Variants in NEBL observed in about 807,000 individuals in gnomAD.
NEBL encodes the protein LIM and SH3 protein 2.
A neutral mutation model predicts 140.2 loss-of-function variants in NEBL; 122 were observed. The ratio of observed to expected loss-of-function variants is 0.87; its 90% CI spans 0.75 to 1.01. The LOEUF is 1.01. Ranked by LOEUF, NEBL falls within the 50% of genes least tolerant of loss-of-function variation. NEBL has a pLI of 0.00. For synonymous variants in NEBL, 436 were observed against 398.9 expected, an observed-to-expected ratio of 1.09 and a Z score of -1.11; for missense variants, 1,365 against 1,231.3, an observed-to-expected ratio of 1.11 and a Z score of -1.62.
At chr10:21,264,996 CGCT>C (rs1171689564) in intron 1 of NEBL, among the ~76,000 whole-genome samples, 4 of 151,722 alleles carry the variant, frequency 2.6e-5, no homozygotes, top group African/African-American at 9.7e-5. Context: ...AATCTTAGCC[CGCT>C]GCAACCTCTA....
chr10:20,829,905 T>C (rs1321885315), intron 16 of NEBL, among the ~76,000 whole-genome samples: 1 of 152,194 alleles, frequency 6.6e-6, no homozygotes, highest in African/African-American at 2.4e-5. Flanking sequence ...TGCAAATGGG[T>C]GCTCAGGAGG....
At chr10:21,252,384 G>GTTGA (rs897896508) in intron 1 of NEBL, among the ~76,000 whole-genome samples, 7 of 152,184 alleles carry the variant, frequency 4.6e-5, no homozygotes, top group East Asian at 3.8e-4. Flanking sequence ...GCAGAATTAT[G>GTTGA]TTGATTGATT....
intron 2 of NEBL, among the ~76,000 whole-genome samples, chr10:21,077,362 T>C (rs1836146754): frequency 6.6e-6 from 1 of 152,206 alleles, no homozygotes; most frequent in Admixed American, 6.5e-5. Context: ...CCCAGCACTT[T>C]GGAAGGCTGA....
chr10:20,928,060 T>C (rs1010854028), intron 4 of NEBL, among the ~76,000 whole-genome samples: 1 of 152,230 alleles, frequency 6.6e-6, no homozygotes, highest in African/African-American at 2.4e-5. Flanking sequence ...CAACACGTTA[T>C]TGATATAAAA....
At chr10:20,986,211 A>T (rs938489141) in intron 3 of NEBL, among the ~76,000 whole-genome samples, 27 of 152,200 alleles carry the variant, frequency 1.8e-4, no homozygotes, top group Non-Finnish European at 3.5e-4. Flanking sequence ...AGGAAATATC[A>T]TACCATATAT....
chr10:21,182,066 C>T (rs1001900929), intron 3 of NEBL, among the ~76,000 whole-genome samples: 1 of 151,840 alleles, frequency 6.6e-6, no homozygotes, highest in African/African-American at 2.4e-5. Flanking sequence ...AACTCAAGAA[C>T]AAAAATGGCG....
intron 2 of NEBL, among the ~76,000 whole-genome samples, chr10:21,113,671 T>C (rs550396915): frequency 2.2e-4 from 33 of 152,208 alleles, no homozygotes; most frequent in Admixed American, 1.8e-3. Context: ...TGTCATTTAG[T>C]TTGTAAAAAT....
intron 3 of NEBL, among the ~76,000 whole-genome samples, chr10:20,991,457 GAT>G (rs1358227748): frequency 6.6e-6 from 1 of 152,020 alleles, no homozygotes; most frequent in Admixed American, 6.6e-5. Context: ...TCATGGAAAA[GAT>G]AAAATTTTCC....
At chr10:21,057,463 G>C (rs7078477) in intron 2 of NEBL, among the ~76,000 whole-genome samples, 59,301 of 149,712 alleles carry the variant, frequency 0.4, 11,773 homozygotes, top group Middle Eastern at 0.48. Flanking sequence ...GTCACTAGAG[G>C]TAAAGGTTAC....
In NEBL at chr10:20,782,551, A is replaced by C. The variant is rs1215000714; in HGVS notation, c.*3196T>G. On this transcript the variant is annotated 3_prime_UTR_variant, in exon 28 of 28. Coordinates refer to ENST00000377122, the MANE Select transcript of NEBL (RefSeq NM_006393.3). ...GGAAAGACTGTGGCACATTGGAAAA[A>C]CCAGATCTGCATCTTCTTCAAGAAA... 6.6e-6 allele frequency: 1 copy of C among 152,162 alleles called. No homozygotes were observed. Among genetic ancestry groups the C allele is most frequent in the African/African-American group, 2.4e-5 (1 of 41,412 alleles). 9.4% of individuals were successfully genotyped at this position (152,162 alleles called of 1,614,324 possible).
At chr10:20,859,912 TA>T in intron 7 of NEBL, 86 bp from the exon 8 acceptor site, 1 of 686,322 alleles carries the variant, frequency 1.5e-6, no homozygotes, top group Admixed American at 2.8e-5. Flanking sequence ...AAAGCTACCT[TA>T]AAAATGAATG....
At chr10:21,050,867 C>A (rs1452708189) in intron 2 of NEBL, among the ~76,000 whole-genome samples, 2 of 152,190 alleles carry the variant, frequency 1.3e-5, no homozygotes, top group Admixed American at 1.3e-4. Flanking sequence ...GTCTCCAGTA[C>A]ACAGCACTGT....
At chr10:21,286,755 C>T (rs572257495) in intron 1 of NEBL, among the ~76,000 whole-genome samples, 4 of 151,766 alleles carry the variant, frequency 2.6e-5, no homozygotes, top group Non-Finnish European at 4.4e-5. Context: ...AATGGCGTGA[C>T]GTGAACTTGG....
Position 21,172,237 on chromosome 10 carries a change from G to T in NEBL, c.164+146C>A, listed in dbSNP as rs1484465628. The T allele has an allele frequency of 7.2e-6, 5 of 693,320 alleles. No homozygotes were observed. The East Asian group carries it at 1.4e-4, about 19-fold the overall frequency. 42.9% of individuals were successfully genotyped at this position (693,320 alleles called of 1,614,324 possible). On this transcript the variant is annotated intron_variant, in intron 2 of 6. Transcript: ENST00000417816. Reference sequence around the variant, plus strand: ...AGCAGTGATCGTCAACAAAGTACATGGCCCCAGAGTCTGTGATATAAACAG... The same window carrying T: ...AGCAGTGATCGTCAACAAAGTACATTGCCCCAGAGTCTGTGATATAAACAG...
intron 4 of NEBL, among the ~76,000 whole-genome samples, chr10:20,934,648 AGGGGCCT>A: frequency 1.3e-5 from 2 of 152,256 alleles, no homozygotes; most frequent in Admixed American, 1.3e-4. Context: ...GCTAGACAGA[AGGGGCCT>A]GGATCCCTGA....
At chr10:21,049,116 C>T (rs545963170) in intron 2 of NEBL, among the ~76,000 whole-genome samples, 2 of 152,188 alleles carry the variant, frequency 1.3e-5, no homozygotes, top group African/African-American at 4.8e-5. Flanking sequence ...ATGAGACTTA[C>T]CCACATTATG....
intron 20 of NEBL, chr10:20,818,670 T>C (rs1168451152): frequency 4.8e-6 from 2 of 418,776 alleles, no homozygotes; most frequent in African/African-American, 4.3e-5. Context: ...CCAACTGAAC[T>C]ATGAGGTCCT....
intron 22 of NEBL, 56 bp downstream of exon 22, chr10:20,815,569 G>A: frequency 7.4e-7 from 1 of 1,344,346 alleles, no homozygotes; most frequent in Non-Finnish European, 1.1e-6. Flanking sequence ...AGGACCGCAA[G>A]TAAATAATAA....
At chr10:21,058,154 T>A (rs574288429) in intron 2 of NEBL, among the ~76,000 whole-genome samples, 1 of 152,352 alleles carries the variant, frequency 6.6e-6, no homozygotes, top group Non-Finnish European at 1.5e-5. Context: ...GGAATGTGGC[T>A]ACCAGTGCCA....
Sources: allele counts gnomAD v4.1 joint callset (sites outside exome capture counted in the v4.1 genomes callset), GRCh38; gene constraint gnomAD v4.1.1; transcripts MANE v1.5; gene names NCBI Gene and HGNC (gene_info 2026-07-23, HGNC 2026-07-21).